Variants in RB1CC1 observed in about 807,000 individuals in gnomAD.
The protein encoded by RB1CC1 is RB1-inducible coiled-coil protein 1.
A neutral mutation model predicts 177.5 loss-of-function variants in RB1CC1; 46 were observed. The observed-to-expected ratio is 0.26, with a 90% confidence interval of 0.20 to 0.33. The LOEUF is 0.33. RB1CC1 is among the 10% of genes least tolerant of loss of function. The pLI, the probability that RB1CC1 is intolerant of heterozygous loss-of-function variation, is 1.00. For synonymous variants in RB1CC1, 666 were observed against 613.6 expected (o/e 1.09, Z -1.26); for missense variants, 1,703 against 1,816.3 (o/e 0.94, Z 1.13).
chr8:52,710,344 C>T (rs943518568), intron 1 of RB1CC1, among the ~76,000 whole-genome samples: 1 of 152,136 alleles, frequency 6.6e-6, no homozygotes, highest in Non-Finnish European at 1.5e-5. Context: ...ATGAAGCGAG[C>T]ATTTAGAAAG....
At chr8:52,709,943 A>C (rs1443861903) in intron 1 of RB1CC1, among the ~76,000 whole-genome samples, 1 of 152,242 alleles carries the variant, frequency 6.6e-6, no homozygotes, top group Non-Finnish European at 1.5e-5. Flanking sequence ...AGCTGAATAG[A>C]ACACATGAGA....
intron 18 of RB1CC1, among the ~76,000 whole-genome samples, chr8:52,638,771 A>T (rs1263268715): frequency 1.3e-5 from 2 of 152,158 alleles, no homozygotes; most frequent in Non-Finnish European, 1.5e-5. Context: ...TATACAATGT[A>T]AAATATGGCT....
At chr8:52,699,206 C>T (rs1855762236) in intron 1 of RB1CC1, among the ~76,000 whole-genome samples, 1 of 152,202 alleles carries the variant, frequency 6.6e-6, no homozygotes, top group Admixed American at 6.5e-5. Context: ...AGAGGAAGAA[C>T]TTAACAGACC....
At chr8:52,631,468 G>A (rs1200343607) in intron 20 of RB1CC1, among the ~76,000 whole-genome samples, 1 of 152,146 alleles carries the variant, frequency 6.6e-6, no homozygotes. Context: ...TCTGGAGGCA[G>A]AACGCTGAGG....
At chr8:52,684,290 G>A (rs1563438314) in intron 3 of RB1CC1, among the ~76,000 whole-genome samples, 2 of 151,984 alleles carry the variant, frequency 1.3e-5, no homozygotes, top group African/African-American at 2.4e-5. Context: ...ATCTCCACAC[G>A]TTTTAGAAAC....
intron 18 of RB1CC1, among the ~76,000 whole-genome samples, chr8:52,639,879 C>T (rs949023063): frequency 6.6e-6 from 1 of 152,100 alleles, no homozygotes; most frequent in African/African-American, 2.4e-5. Context: ...TTCAGGATTC[C>T]TTGTATTTAT....
intron 1 of RB1CC1, 43 bp downstream of exon 1, chr8:52,714,032 G>A (rs1450073566): frequency 3.0e-6 from 1 of 336,028 alleles, no homozygotes; most frequent in Non-Finnish European, 5.9e-6. Flanking sequence ...CGCGACCGCT[G>A]TGCCAGATGG....
intron 15 of RB1CC1, among the ~76,000 whole-genome samples, chr8:52,647,945 TG>T (rs1405863101): frequency 6.6e-6 from 1 of 152,108 alleles, no homozygotes; most frequent in Non-Finnish European, 1.5e-5. Context: ...AGAAAAAGTG[TG>T]GTTCAAATTG....
intron 20 of RB1CC1, among the ~76,000 whole-genome samples, chr8:52,632,599 T>C (rs1848845239): frequency 2.0e-5 from 3 of 152,240 alleles, no homozygotes; most frequent in African/African-American, 7.2e-5. Flanking sequence ...GCTGTAATTC[T>C]ATGTGAAAGT....
At chr8:52,636,091 T>C in intron 18 of RB1CC1, 22 bp from the exon 19 acceptor site, 2 of 1,594,358 alleles carry the variant, frequency 1.3e-6, no homozygotes, top group Non-Finnish European at 1.7e-6. Flanking sequence ...AATAATTGAG[T>C]TTCAGTTTGA....
intron 22 of RB1CC1, among the ~76,000 whole-genome samples, chr8:52,627,583 A>T (rs1231659081): frequency 6.6e-6 from 1 of 152,164 alleles, no homozygotes; most frequent in Non-Finnish European, 1.5e-5. Context: ...TTTCCTTTTT[A>T]AAAAAATAAG....
chr8:52,675,074 AT>A (rs1447521907), intron 6 of RB1CC1, among the ~76,000 whole-genome samples: 1 of 152,192 alleles, frequency 6.6e-6, no homozygotes, highest in African/African-American at 2.4e-5. Flanking sequence ...CTATAAAATG[AT>A]GTGCAATATG....
intron 3 of RB1CC1, among the ~76,000 whole-genome samples, chr8:52,684,630 A>T (rs1854083678): frequency 6.6e-6 from 1 of 152,190 alleles, no homozygotes; most frequent in African/African-American, 2.4e-5. Context: ...GGATGAAAAT[A>T]TTAAATTTAT....
chr8:52,666,549 C>G (rs1249089444), intron 8 of RB1CC1, among the ~76,000 whole-genome samples: 3 of 149,604 alleles, frequency 2.0e-5, no homozygotes, highest in East Asian at 2.0e-4. Flanking sequence ...AAGAAAGAAA[C>G]ACCACCAAAT....
Position 52,685,502 on chromosome 8 carries a change from T to C in RB1CC1, c.-33A>G, listed in dbSNP as rs1854192426. On this transcript the variant is annotated 5_prime_UTR_variant, in exon 3 of 24. Coordinates refer to ENST00000025008, the MANE Select transcript of RB1CC1 (RefSeq NM_014781.5). ...TATCTGAATTCTGTGAGCTTATACC[T>C]CACCCTCTGATACAGTTACTAGAAG... 3.7e-6 allele frequency: 5 copies of C among 1,342,908 alleles called. No individual in the cohort carries two copies. The highest frequency in any genetic ancestry group is 5.3e-6 in the Non-Finnish European group (5 of 947,350). 83.2% of individuals were successfully genotyped at this position (1,342,908 alleles called of 1,614,324 possible).
At chr8:52,702,085 G>C (rs1014204703) in intron 1 of RB1CC1, among the ~76,000 whole-genome samples, 1 of 152,138 alleles carries the variant, frequency 6.6e-6, no homozygotes, top group African/African-American at 2.4e-5. Context: ...TAGGATTACA[G>C]GCGTGAGCCA....
chr8:52,655,743 A>G (rs1255586063), intron 15 of RB1CC1, among the ~76,000 whole-genome samples: 1 of 152,138 alleles, frequency 6.6e-6, no homozygotes, highest in South Asian at 2.1e-4. Context: ...AAAAACAAAG[A>G]GCTCTTTAAA....
chr8:52,643,554 T>G lies in RB1CC1; in HGVS notation c.3988-742A>C, dbSNP rs549712941. ...CTCTACAAAAATTATCTGGGTGTGGTGGCACATGCCTGTAGTCCCAGCCAT... is the reference window on the plus strand; with the variant it reads ...CTCTACAAAAATTATCTGGGTGTGGGGGCACATGCCTGTAGTCCCAGCCAT... On this transcript the variant is annotated intron_variant, in intron 16 of 23. Coordinates refer to ENST00000025008, the MANE Select transcript of RB1CC1 (RefSeq NM_014781.5). 2.6e-5 allele frequency among the ~76,000 whole-genome samples: 4 copies of G among 152,042 alleles called. No individual in the cohort carries two copies. In the South Asian group the frequency reaches 8.3e-4, roughly 32 times the overall value.
intron 8 of RB1CC1, 79 bp from the exon 9 acceptor site, chr8:52,661,798 T>C: frequency 8.7e-7 from 1 of 1,148,810 alleles, no homozygotes; most frequent in South Asian, 2.1e-5. Flanking sequence ...TGGAAAATCT[T>C]TATGTTAAAC....
Sources: gnomAD v4.1 joint callset for allele counts (sites outside exome capture counted in the v4.1 genomes callset) on GRCh38, gnomAD v4.1.1 for gene constraint, MANE v1.5 for transcripts, NCBI Gene and HGNC (gene_info 2026-07-23, HGNC 2026-07-21) for gene names.